ANXA6: variants seen among roughly 807,000 people sequenced by gnomAD.
ANXA6 encodes annexin A6.
A neutral mutation model predicts 95.4 loss-of-function variants in ANXA6; 71 were observed. That is an observed-to-expected ratio of 0.74 (90% confidence interval 0.61 to 0.91). The LOEUF is 0.91. Among genes scored for constraint, ANXA6 ranks in the 40% least tolerant of loss-of-function variants. ANXA6 has a pLI of 0.00. For synonymous variants in ANXA6, 289 were observed against 315.9 expected, an observed-to-expected ratio of 0.91 and a Z score of 0.90; for missense variants, 830 against 876.4, an observed-to-expected ratio of 0.95 and a Z score of 0.67.
intron 18 of ANXA6, among the ~76,000 whole-genome samples, chr5:151,118,228 T>G (rs990868685): frequency 6.6e-6 from 1 of 152,066 alleles, no homozygotes; most frequent in Admixed American, 6.6e-5. Context: ...AATTCTGCCA[T>G]TTTAAAGCTG....
At chr5:151,103,017 G>T (rs1764590888) in intron 25 of ANXA6, among the ~76,000 whole-genome samples, 1 of 152,166 alleles carries the variant, frequency 6.6e-6, no homozygotes, top group Admixed American at 6.5e-5. Context: ...CTGTTTTTGA[G>T]ATGGAGTCTT....
rs200844635 is a variant in ANXA6, at chr5:151,126,455, C to T, written c.1003G>A (p.Ala335Thr). 170 of 1,610,524 alleles carry T rather than the reference C, an allele frequency of 1.1e-4. No individual in the cohort carries two copies. The East Asian group carries it at 3.7e-3, about 35-fold the overall frequency. The change falls in exon 14 of 26, where the codon GCA becomes ACA. Residue 335 changes from alanine to threonine, a missense_variant. By Grantham distance (58) the Ala-to-Thr change is moderately conservative. Coordinates refer to ENST00000354546, the MANE Select transcript of ANXA6 (RefSeq NM_001155.5). ...CACATCTGATAGGCCACCTGCGCTG[C>T]CTCCGGGAAGAACTGGCCAGCAGCA... Reference protein sequence around the residue: ...DDAAGQFFPEAAQVAYQMWEL... With the variant: ...DDAAGQFFPETAQVAYQMWEL...
In ANXA6 at chr5:151,139,453, A is replaced by T. The variant is rs748663039; in HGVS notation, c.110-6T>A. 3.1e-6 allele frequency: 5 copies of T among 1,607,296 alleles called. No individual in the cohort carries two copies. In the African/African-American group the frequency reaches 6.7e-5, roughly 21 times the overall value. On this transcript the variant is annotated splice_polypyrimidine_tract_variant and splice_region_variant and intron_variant, in intron 3 of 25. Coordinates refer to ENST00000354546, the MANE Select transcript of ANXA6 (RefSeq NM_001155.5). ...TATGGCCTCCTTGTCACTGCCTGGA[A>T]TAGGGGAGAGCAATCATCATCCTAC...
rs111874839 is a variant in ANXA6 at position 151,111,954 on chromosome 5, A to ATTT, written c.1573-1313_1573-1311dup. Among the ~76,000 whole-genome samples the ATTT allele has an allele frequency of 2.4e-3, 353 of 145,380 alleles. 3 individuals are homozygous for ATTT. Among genetic ancestry groups the ATTT allele is most frequent in the African/African-American group, 8.4e-3 (333 of 39,848 alleles). On this transcript the variant is annotated intron_variant, in intron 20 of 25. Coordinates refer to ENST00000354546, the MANE Select transcript of ANXA6 (RefSeq NM_001155.5). ...CATGTGCATGCCACCAGCCCAGTTA[A>ATTT]TTTTTTTTTTTTTGTATTTTTAGTA...
chr5:151,114,501 C>A (rs1326223979), intron 20 of ANXA6, among the ~76,000 whole-genome samples: 1 of 151,160 alleles, frequency 6.6e-6, no homozygotes, highest in African/African-American at 2.4e-5. Flanking sequence ...GTAATCCCAG[C>A]TACTTGGGAG....
intron 1 of ANXA6, among the ~76,000 whole-genome samples, chr5:151,152,076 C>G (rs1220873187): frequency 1.3e-5 from 2 of 152,210 alleles, no homozygotes; most frequent in Admixed American, 6.5e-5. Flanking sequence ...TGCCCAACCA[C>G]AGAGATGTGG....
At chr5:151,155,985 CA>C (rs1766227375) in intron 1 of ANXA6, among the ~76,000 whole-genome samples, 1 of 152,222 alleles carries the variant, frequency 6.6e-6, no homozygotes, top group Non-Finnish European at 1.5e-5. Flanking sequence ...GAGTCAGTCT[CA>C]AGAGGCCAGG....
intron 23 of ANXA6, among the ~76,000 whole-genome samples, chr5:151,108,028 T>C (rs1448446877): frequency 1.3e-5 from 2 of 152,062 alleles, no homozygotes; most frequent in Admixed American, 1.3e-4. Flanking sequence ...GTGTGTGATG[T>C]GTGTATGTGT....
At chr5:151,130,052 A>G (rs1429373851) in intron 11 of ANXA6, among the ~76,000 whole-genome samples, 1 of 151,858 alleles carries the variant, frequency 6.6e-6, no homozygotes, top group Non-Finnish European at 1.5e-5. Context: ...TCCACACTTG[A>G]TTTTCCTTAT....
At chr5:151,145,790 A>C (rs1381198109) in intron 2 of ANXA6, among the ~76,000 whole-genome samples, 1 of 151,922 alleles carries the variant, frequency 6.6e-6, no homozygotes, top group Non-Finnish European at 1.5e-5. Flanking sequence ...CTCTCCCCCA[A>C]ACCACTGCAC....
intron 1 of ANXA6, among the ~76,000 whole-genome samples, chr5:151,154,332 T>TATATATATATATATATATATATATA (rs1561588327): frequency 2.2e-5 from 3 of 135,354 alleles, no homozygotes; most frequent in South Asian, 2.4e-4. Flanking sequence ...TATATATATA[T>TATATATATATATATATATATATATA]TGATCCCATA....
intron 1 of ANXA6, among the ~76,000 whole-genome samples, chr5:151,150,638 C>T (rs1766084655): frequency 1.3e-5 from 2 of 152,184 alleles, no homozygotes; most frequent in South Asian, 4.1e-4. Context: ...TTCAGGAAAC[C>T]TTGCTGTTTC....
chr5:151,116,318 G>A lies in ANXA6; in HGVS notation c.1572+809C>T, dbSNP rs143608270. On this transcript the variant is annotated intron_variant, in intron 20 of 25. Coordinates refer to ENST00000354546, the MANE Select transcript of ANXA6 (RefSeq NM_001155.5). ...ATCCCTGGACACAGCTTTTGGGGGC[G>A]GGAAAATGAGGCAGTCAGAAGAGAT... Among the ~76,000 whole-genome samples the A allele has an allele frequency of 7.3e-3, 1,113 of 152,294 alleles. 10 individuals carry two copies. The highest frequency in any genetic ancestry group is 0.026 in the African/African-American group (1,064 of 41,554).
intron 24 of ANXA6, 129 bp downstream of exon 24, chr5:151,105,116 C>T: frequency 2.2e-6 from 2 of 896,070 alleles, no homozygotes; most frequent in Admixed American, 2.0e-5. Context: ...AGGGCAGATG[C>T]TAATAAATGT....
intron 22 of ANXA6, among the ~76,000 whole-genome samples, chr5:151,109,313 C>A (rs996357477): frequency 2.0e-5 from 3 of 152,236 alleles, no homozygotes; most frequent in Non-Finnish European, 4.4e-5. Flanking sequence ...AGGGCCACTG[C>A]ATACAGGTGT....
intron 22 of ANXA6, among the ~76,000 whole-genome samples, chr5:151,108,849 C>A (rs187412201): frequency 1.4e-3 from 207 of 152,328 alleles, no homozygotes; most frequent in Non-Finnish European, 2.1e-3. Context: ...GTAAAAGGAG[C>A]ACGGGTCCTA....
chr5:151,125,897 A>T (rs1765301716), intron 14 of ANXA6, among the ~76,000 whole-genome samples: 1 of 152,180 alleles, frequency 6.6e-6, no homozygotes, highest in Non-Finnish European at 1.5e-5. Context: ...ATAGCGAATA[A>T]GTAACAGAGA....
At chr5:151,144,290 T>C (rs982234813) in intron 2 of ANXA6, among the ~76,000 whole-genome samples, 1 of 152,336 alleles carries the variant, frequency 6.6e-6, no homozygotes, top group Admixed American at 6.5e-5. Context: ...TTGCCTTGTA[T>C]GTAGATTAAA....
chr5:151,126,912 T>C (rs1765340045), intron 13 of ANXA6, among the ~76,000 whole-genome samples: 2 of 152,322 alleles, frequency 1.3e-5, no homozygotes, highest in African/African-American at 4.8e-5. Flanking sequence ...AGATGGGGTT[T>C]CGCCATGTTG....
Sources: allele counts gnomAD v4.1 joint callset (sites outside exome capture counted in the v4.1 genomes callset), GRCh38; gene constraint gnomAD v4.1.1; transcripts MANE v1.5; gene names NCBI Gene and HGNC (gene_info 2026-07-23, HGNC 2026-07-21).